Variants in ASIC2 observed in about 807,000 individuals in gnomAD.
ASIC2 encodes the protein acid-sensing ion channel 2.
A neutral mutation model predicts 57.3 loss-of-function variants in ASIC2; 25 were observed. The observed-to-expected ratio is 0.44, with a 90% confidence interval of 0.32 to 0.61. ASIC2 has a LOEUF of 0.61. ASIC2 is among the 20% of genes least tolerant of loss of function. ASIC2 has a pLI of 0.06. For missense variants in ASIC2, 641 were observed against 738.1 expected, an observed-to-expected ratio of 0.87 and a Z score of 1.52; for synonymous variants, 319 against 307.5, an observed-to-expected ratio of 1.04 and a Z score of -0.39.
chr17:33,672,051 C>G (rs956884324), intron 1 of ASIC2, among the ~76,000 whole-genome samples: 1 of 152,050 alleles, frequency 6.6e-6, no homozygotes, highest in African/African-American at 2.4e-5. Context: ...AAAAAATTTC[C>G]AGAATAAAAG....
intron 1 of ASIC2, chr17:34,005,442 G>C (rs1044722823): frequency 6.9e-6 from 1 of 144,038 alleles, no homozygotes; most frequent in Non-Finnish European, 1.5e-5. Context: ...TTCCTCTACT[G>C]AACACCTTTT....
chr17:33,596,501 G>T (rs949460551), intron 1 of ASIC2, among the ~76,000 whole-genome samples: 4 of 152,248 alleles, frequency 2.6e-5, no homozygotes, highest in African/African-American at 9.6e-5. Context: ...CTGTGTTTTT[G>T]TGCCTCACTC....
intron 1 of ASIC2, among the ~76,000 whole-genome samples, chr17:33,479,145 C>A (rs918175340): frequency 2.0e-5 from 3 of 151,948 alleles, no homozygotes; most frequent in Non-Finnish European, 4.4e-5. Flanking sequence ...ACTACAGGTG[C>A]GCACCACCAC....
At chr17:33,266,579 C>T (rs1225873111) in intron 1 of ASIC2, among the ~76,000 whole-genome samples, 2 of 127,202 alleles carry the variant, frequency 1.6e-5, no homozygotes, top group South Asian at 5.9e-4. Context: ...TGTGGCAGAC[C>T]CTGCTGTCCA....
chr17:33,512,054 A>G (rs1914445504), intron 1 of ASIC2, among the ~76,000 whole-genome samples: 2 of 152,204 alleles, frequency 1.3e-5, no homozygotes, highest in Non-Finnish European at 2.9e-5. Flanking sequence ...CGTCCTGTGT[A>G]AAAGGAGGAG....
chr17:33,569,177 C>A (rs1916348002), intron 1 of ASIC2: 4 of 152,230 alleles, frequency 2.6e-5, no homozygotes, highest in Admixed American at 2.6e-4. Flanking sequence ...CTACTGTGTG[C>A]CTGGCACTGT....
In ASIC2 at chr17:34,107,817, C is replaced by A. The variant is rs899561565; in HGVS notation, c.555+48161G>T. Reference sequence around the variant, plus strand: ...TTCAGTTTTAGGGTTCTCTCCTTTACATTTTTCGGCTTTAATTTAATTTGG... The same window carrying A: ...TTCAGTTTTAGGGTTCTCTCCTTTAAATTTTTCGGCTTTAATTTAATTTGG... On this transcript the variant is annotated intron_variant, in intron 1 of 9. Coordinates refer to the ASIC2 transcript ENST00000359872. 3.3e-5 allele frequency among the ~76,000 whole-genome samples: 5 copies of A among 152,250 alleles called. No homozygotes were observed. The South Asian group carries it at 6.2e-4, about 19-fold the overall frequency.
intron 1 of ASIC2, among the ~76,000 whole-genome samples, chr17:33,475,299 T>A (rs12940391): frequency 5.3e-4 from 71 of 134,898 alleles, no homozygotes; most frequent in African/African-American, 9.2e-4. Flanking sequence ...GGTCTTTTTT[T>A]AAAAAAAAAG....
In ASIC2 at chr17:33,119,317, T is replaced by C. The variant is rs191263971; in HGVS notation, c.709-7250A>G. On this transcript the variant is annotated intron_variant, in intron 1 of 9. Coordinates refer to ENST00000225823, the MANE Select transcript of ASIC2 (RefSeq NM_183377.2). ...TTTCTCTTCCCTGAGTCAATTCCGC[T>C]TTCTTCTCAGTGAGCTACTGAAATT... 8.5e-5 allele frequency among the ~76,000 whole-genome samples: 13 copies of C among 152,354 alleles called. No individual in the cohort carries two copies. In the East Asian group the frequency reaches 2.5e-3, roughly 29 times the overall value.
intron 1 of ASIC2, among the ~76,000 whole-genome samples, chr17:33,165,094 A>G (rs1156748222): frequency 6.6e-6 from 1 of 152,210 alleles, no homozygotes; most frequent in Admixed American, 6.5e-5. Flanking sequence ...GAACCTGGAC[A>G]CTGGCTCAGG....
At chr17:34,144,913 G>C (rs16969250) in intron 1 of ASIC2, among the ~76,000 whole-genome samples, 5,627 of 152,194 alleles carry the variant, frequency 0.037, 334 homozygotes, top group African/African-American at 0.13. Flanking sequence ...AACTCCTATA[G>C]CTGGGTCTAT....
intron 1 of ASIC2, among the ~76,000 whole-genome samples, chr17:33,465,827 C>G (rs976408847): frequency 6.6e-6 from 1 of 152,172 alleles, no homozygotes; most frequent in African/African-American, 2.4e-5. Context: ...CAGCTTTCTC[C>G]CATCTTTTGT....
At chr17:34,056,476 G>A (rs1190539952) in intron 1 of ASIC2, among the ~76,000 whole-genome samples, 1 of 152,196 alleles carries the variant, frequency 6.6e-6, no homozygotes, top group African/African-American at 2.4e-5. Context: ...CCACATTCTG[G>A]GCTGGTAGGT....
intron 1 of ASIC2, among the ~76,000 whole-genome samples, chr17:33,916,539 G>A (rs769097147): frequency 3.9e-5 from 6 of 152,062 alleles, no homozygotes; most frequent in Non-Finnish European, 8.8e-5. Context: ...CAGCTCACTG[G>A]GATTTATGTT....
intron 1 of ASIC2, among the ~76,000 whole-genome samples, chr17:33,836,576 C>G (rs564680653): frequency 6.6e-6 from 1 of 151,960 alleles, no homozygotes; most frequent in Non-Finnish European, 1.5e-5. Context: ...AGGTTTTGGC[C>G]GGGTGCAGTG....
Position 33,393,394 on chromosome 17 carries a change from C to T in ASIC2, c.556-281327G>A, listed in dbSNP as rs936536003. On this transcript the variant is annotated intron_variant, in intron 1 of 9. Coordinates refer to the ASIC2 transcript ENST00000359872. ...CTGTTTGGAATGCTCTTCCTTCTCC[C>T]GCCCACATATCTGAACTGTACCGTG... Among the ~76,000 whole-genome samples the T allele has an allele frequency of 6.6e-5, 10 of 152,026 alleles. No homozygotes were observed. In the South Asian group the frequency reaches 8.3e-4, roughly 13 times the overall value.
chr17:33,771,207 C>A (rs1911094396), intron 1 of ASIC2, among the ~76,000 whole-genome samples: 1 of 152,172 alleles, frequency 6.6e-6, no homozygotes, highest in Non-Finnish European at 1.5e-5. Context: ...GATGTCTGTG[C>A]TGAGAATAAG....
intron 1 of ASIC2, among the ~76,000 whole-genome samples, chr17:33,164,420 A>G (rs1597611755): frequency 6.7e-6 from 1 of 149,286 alleles, no homozygotes; most frequent in East Asian, 2.0e-4. Context: ...TCTTTCCTGC[A>G]GGAGTTATTG....
At chr17:33,543,617 G>T (rs940470594) in intron 1 of ASIC2, among the ~76,000 whole-genome samples, 1 of 152,208 alleles carries the variant, frequency 6.6e-6, no homozygotes, top group Non-Finnish European at 1.5e-5. Context: ...TGTGGTCCCT[G>T]CTAGCATGCG....
Sources: gnomAD v4.1 joint callset for allele counts (sites outside exome capture counted in the v4.1 genomes callset) on GRCh38, gnomAD v4.1.1 for gene constraint, MANE v1.5 for transcripts, NCBI Gene and HGNC (gene_info 2026-07-23, HGNC 2026-07-21) for gene names.